The following WDR49 variants were observed in gnomAD, a reference collection of about 807,000 sequenced individuals.
WDR49 encodes cilia- and flagella-associated protein 337.
WDR49 carries 107 observed loss-of-function variants against 119.5 expected under a neutral mutation model. The observed-to-expected ratio is 0.90, with a 90% CI of 0.77 to 1.05. The LOEUF (loss-of-function observed/expected upper bound fraction) is 1.05, where lower values mean the gene tolerates loss of function less well. WDR49 is among the 50% of genes least tolerant of loss of function. The pLI, the probability that WDR49 is intolerant of heterozygous loss-of-function variation, is 0.00. For missense variants in WDR49, 1,240 were observed against 1,220.5 expected (o/e 1.02, Z -0.24); for synonymous variants, 425 against 418.8 (o/e 1.01, Z -0.18).
intron 7 of WDR49, among the ~76,000 whole-genome samples, chr3:167,596,703 C>T (rs1715466939): frequency 8.5e-6 from 1 of 118,232 alleles, no homozygotes; most frequent in Admixed American, 1.1e-4. Context: ...GGGAACATCA[C>T]ACTCTGGGGA....
At chr3:167,488,410 G>A (rs1460077233) in intron 18 of WDR49, among the ~76,000 whole-genome samples, 1 of 151,854 alleles carries the variant, frequency 6.6e-6, no homozygotes. Context: ...ATGGAGTGAG[G>A]GGCATGGTTT....
At chr3:167,571,570 A>C (rs1300887446) in intron 8 of WDR49, among the ~76,000 whole-genome samples, 1 of 152,182 alleles carries the variant, frequency 6.6e-6, no homozygotes, top group Non-Finnish European at 1.5e-5. Flanking sequence ...ACATATATAG[A>C]ATGGGCTACT....
chr3:167,538,791 T>C (rs1711620449), intron 10 of WDR49, among the ~76,000 whole-genome samples: 1 of 152,156 alleles, frequency 6.6e-6, no homozygotes, highest in Admixed American at 6.6e-5. Flanking sequence ...CACTGATATT[T>C]GAACTGGACC....
intron 15 of WDR49, among the ~76,000 whole-genome samples, chr3:167,523,321 G>C (rs920392248): frequency 1.3e-5 from 2 of 149,694 alleles, no homozygotes; most frequent in Non-Finnish European, 3.0e-5. Context: ...AGACTATACT[G>C]AATTAAAGAG....
intron 3 of WDR49, among the ~76,000 whole-genome samples, chr3:167,625,999 G>T: frequency 6.6e-6 from 1 of 151,696 alleles, no homozygotes; most frequent in Non-Finnish European, 1.5e-5. Flanking sequence ...ACGATGTTTG[G>T]ACCTTATTCA....
At position 167,478,905 on chromosome 3, in the gene WDR49, AC is replaced by A; in HGVS notation, c.3122del (p.Ser1041IlefsTer4). The part of the protein sequence containing the change: ...RKAKQLCQEK[S>X]CEVKKNKK Reference sequence around the variant, plus strand: ...ACTTCTTATTTTTCTTCACTTCACAACTTTTTTCTTGGCATAATTGCTTGGC... The same window carrying A: ...ACTTCTTATTTTTCTTCACTTCACAATTTTTTCTTGGCATAATTGCTTGGC... On this transcript the variant is annotated frameshift_variant, in exon 19 of 19. Transcript: ENST00000682715. LOFTEE classifies it high-confidence loss of function. 3 of 1,608,478 alleles carry A rather than the reference AC, an allele frequency of 1.9e-6. No homozygotes were observed. Among genetic ancestry groups the A allele is most frequent in the Middle Eastern group, 1.7e-4 (1 of 6,042 alleles).
Position 167,620,429 on chromosome 3 carries a change from C to T in WDR49, c.958G>A (p.Val320Ile). The change falls in exon 5 of 19, where the codon GTT becomes ATT. Residue 320 changes from valine (V) to isoleucine (I), a missense_variant and splice_region_variant. Coordinates refer to ENST00000682715, the MANE Select transcript of WDR49 (RefSeq NM_001366157.1). Reference sequence around the variant, plus strand: ...TTTCATTACTGTTCAAATTCAATACCTTGCCTGACCCAATCTCCTTGATGA... The same window carrying T: ...TTTCATTACTGTTCAAATTCAATACTTTGCCTGACCCAATCTCCTTGATGA... ...KLHQGDWVRQVTYNASLDAII... is the reference protein window; with the variant it reads ...KLHQGDWVRQITYNASLDAII... The T allele has an allele frequency of 6.5e-7, 1 of 1,533,928 alleles. No homozygotes were observed. The highest frequency in any genetic ancestry group is 1.4e-5 in the African/African-American group (1 of 72,984).
intron 7 of WDR49, among the ~76,000 whole-genome samples, chr3:167,601,444 T>A (rs1339502959): frequency 6.6e-6 from 1 of 152,180 alleles, no homozygotes; most frequent in Non-Finnish European, 1.5e-5. Context: ...TATCTTGAAA[T>A]CTATCATGTT....
At chr3:167,580,163 C>T (rs1321756053) in intron 7 of WDR49, among the ~76,000 whole-genome samples, 2 of 152,080 alleles carry the variant, frequency 1.3e-5, no homozygotes, top group African/African-American at 4.8e-5. Context: ...AGAATGTGCA[C>T]ATTTGTTAAT....
intron 18 of WDR49, 24 bp downstream of exon 18, chr3:167,500,129 G>T: frequency 3.9e-6 from 6 of 1,535,834 alleles, no homozygotes; most frequent in Non-Finnish European, 5.2e-6. Flanking sequence ...GGATAATAGA[G>T]GTGTATGATG....
chr3:167,504,582 A>T (rs1751696995), intron 17 of WDR49, among the ~76,000 whole-genome samples: 1 of 152,194 alleles, frequency 6.6e-6, no homozygotes, highest in Admixed American at 6.5e-5. Flanking sequence ...CTTGTTTCAG[A>T]TGAGAACTTT....
At chr3:167,619,017 C>A (rs1005674388) in intron 5 of WDR49, among the ~76,000 whole-genome samples, 1 of 152,100 alleles carries the variant, frequency 6.6e-6, no homozygotes, top group African/African-American at 2.4e-5. Context: ...AATGCATCAT[C>A]GGAAAAGACA....
chr3:167,492,938 G>A (rs1000025944), intron 18 of WDR49, among the ~76,000 whole-genome samples: 11 of 152,046 alleles, frequency 7.2e-5, no homozygotes, highest in Admixed American at 3.3e-4. Context: ...ATGGAGAGGC[G>A]GATAAGATGA....
chr3:167,643,399 T>C (rs1297243471), intron 2 of WDR49, among the ~76,000 whole-genome samples: 2 of 152,130 alleles, frequency 1.3e-5, no homozygotes, highest in Non-Finnish European at 2.9e-5. Flanking sequence ...GTAACTGGCA[T>C]GAATTCTTCA....
chr3:167,627,347 A>G, intron 2 of WDR49, 55 bp from the exon 3 acceptor site: 1 of 1,216,892 alleles, frequency 8.2e-7, no homozygotes, highest in Non-Finnish European at 1.0e-6. Context: ...CATCATATGC[A>G]TGAGAGAACT....
chr3:167,535,053 A>G (rs1011220600), intron 11 of WDR49, among the ~76,000 whole-genome samples: 2 of 152,182 alleles, frequency 1.3e-5, no homozygotes, highest in African/African-American at 4.8e-5. Flanking sequence ...AGATAATCTG[A>G]ACTATAAACC....
chr3:167,498,317 T>C (rs1189954361), intron 18 of WDR49, among the ~76,000 whole-genome samples: 1 of 152,062 alleles, frequency 6.6e-6, no homozygotes, highest in African/African-American at 2.4e-5. Flanking sequence ...TAACAGGGAA[T>C]AATATACAAA....
Position 167,575,929 on chromosome 3 carries a change from T to C in WDR49, c.1498A>G (p.Ile500Val), listed in dbSNP as rs1714224463. The part of the protein sequence containing the change: ...KAVTCVLYNS[I>V]LKQVISSDTG... ...GAAAGCATCATTACCTGCTTCAAGA[T>C]AGAATTGTAAAGAACACAAGTGACT... is the stretch of plus-strand genomic sequence containing the variant. Residue 500 changes from isoleucine to valine, a missense_variant, in exon 8 of 19, where the codon ATC (isoleucine) becomes GTC (valine). By Grantham distance (29) the Ile-to-Val change is conservative. Transcript: ENST00000682715. 3.1e-6 allele frequency: 5 copies of C among 1,614,100 alleles called. 1 individual carries two copies. Among genetic ancestry groups the C allele is most frequent in the Non-Finnish European group, 8.5e-7 (1 of 1,179,978 alleles).
At chr3:167,561,236 C>T (rs1323420392) in intron 8 of WDR49, among the ~76,000 whole-genome samples, 1 of 152,106 alleles carries the variant, frequency 6.6e-6, no homozygotes, top group Admixed American at 6.5e-5. Context: ...TTCATTCATT[C>T]TACAGCCACT....
Sources: allele counts gnomAD v4.1 joint callset (sites outside exome capture counted in the v4.1 genomes callset), GRCh38; gene constraint gnomAD v4.1.1; transcripts MANE v1.5; gene names NCBI Gene and HGNC (gene_info 2026-07-23, HGNC 2026-07-21).